The following EIF2B1 variants were observed in gnomAD, a reference collection of about 807,000 sequenced individuals.
EIF2B1 encodes translation initiation factor eIF2B subunit alpha.
A neutral mutation model predicts 36.8 loss-of-function variants in EIF2B1; 30 were observed. The ratio of observed to expected loss-of-function variants is 0.81; its 90% CI spans 0.61 to 1.10. The LOEUF (loss-of-function observed/expected upper bound fraction) is 1.10. EIF2B1 is among the 50% of genes least tolerant of loss of function. The pLI is 0.00. For missense variants in EIF2B1, 271 were observed against 374.8 expected, an observed-to-expected ratio of 0.72 and a Z score of 2.29; for synonymous variants, 139 against 142.2, an observed-to-expected ratio of 0.98 and a Z score of 0.16.
chr12:123,622,506 T>A, intron 8 of EIF2B1, 130 bp downstream of exon 8: 1 of 1,309,622 alleles, frequency 7.6e-7, no homozygotes, highest in Non-Finnish European at 1.1e-6. Flanking sequence ...CACCAATTTA[T>A]CTTTGTATTC....
Position 123,633,676 on chromosome 12 carries a change from A to ACTTCCGGCGCACTTCCGTACCCCT in EIF2B1, c.-120_-119insAGGGGTACGGAAGTGCGCCGGAAG, listed in dbSNP as rs1166431522. ...AGCGCGCTGCACACCTCCGCACCCC[A>ACTTCCGGCGCACTTCCGTACCCCT]CTTCCGGCGCACTTCCGTACCCCTC... On this transcript the variant is annotated 5_prime_UTR_variant, in exon 1 of 9. Transcript: ENST00000424014. 17 of 1,516,492 alleles carry ACTTCCGGCGCACTTCCGTACCCCT rather than the reference A, an allele frequency of 1.1e-5. No individual in the cohort carries two copies. Among genetic ancestry groups the ACTTCCGGCGCACTTCCGTACCCCT allele is most frequent in the South Asian group, 3.4e-5 (3 of 89,124 alleles). 93.9% of individuals were successfully genotyped at this position (1,516,492 alleles called of 1,614,324 possible).
intron 7 of EIF2B1, among the ~76,000 whole-genome samples, chr12:123,623,544 T>G (rs1042431361): frequency 1.3e-5 from 2 of 152,086 alleles, no homozygotes; most frequent in African/African-American, 4.8e-5. Flanking sequence ...CTCAACACTC[T>G]GCCTGCAGAC....
At position 123,621,901 on chromosome 12, in the gene EIF2B1, T is replaced by C; in HGVS notation, c.773A>G (p.Lys258Arg). Residue 258 changes from lysine to arginine, a missense_variant, in exon 9 of 9, where the codon AAG becomes AGG. Transcript: ENST00000424014. ...DKFKYKADTLKVAQTGQDLKE... is the reference protein window; with the variant it reads ...DKFKYKADTLRVAQTGQDLKE... Reference sequence around the variant, plus strand: ...GAGGTCTTGTCCAGTCTGCGCGACCTTGAGAGTGTCTGCCTTATACTGAGG... The same window carrying C: ...GAGGTCTTGTCCAGTCTGCGCGACCCTGAGAGTGTCTGCCTTATACTGAGG... 6.2e-7 allele frequency: 1 copy of C among 1,614,062 alleles called. No individual in the cohort carries two copies. Among genetic ancestry groups the C allele is most frequent in the Non-Finnish European group, 8.5e-7 (1 of 1,180,020 alleles).
At position 123,626,481 on chromosome 12, in the gene EIF2B1, G is replaced by T; in HGVS notation, c.495C>A (p.Ala165=). 1 of 1,614,072 alleles carries T rather than the reference G, an allele frequency of 6.2e-7. No individual in the cohort carries two copies. Among genetic ancestry groups the T allele is most frequent in the Non-Finnish European group, 8.5e-7 (1 of 1,179,952 alleles). ...SQPDLSGKKM[A]KALCHLNVPV... Reference sequence around the variant, plus strand: ...GGACGTTGAGGTGGCAGAGGGCTTTGGCCATTTTCTTACTGAAGATGACAT... The same window carrying T: ...GGACGTTGAGGTGGCAGAGGGCTTTTGCCATTTTCTTACTGAAGATGACAT... Residue 165 remains alanine, a synonymous_variant, in exon 6 of 9, where the codon GCC becomes GCA. Coordinates refer to ENST00000424014, the MANE Select transcript of EIF2B1 (RefSeq NM_001414.4).
At position 123,621,814 on chromosome 12, in the gene EIF2B1, T is replaced by C. The variant is rs2135758861; in HGVS notation, c.860A>G (p.Asp287Gly). ...APSLITLLFT[D>G]LGVLTPSAVS... ...TGCTGAGGGTGTCAGCACGCCCAGG[T>C]CTGTAAACAGCAGAGTGATTAAGGA... is the stretch of plus-strand genomic sequence containing the variant. The change falls in exon 9 of 9, where the codon GAC (aspartate) becomes GGC (glycine). Residue 287 changes from aspartate to glycine, a missense_variant. Physicochemically the swap from Asp to Gly is moderately conservative, Grantham distance 94. Transcript: ENST00000424014. The C allele has an allele frequency of 2.5e-6, 4 of 1,614,044 alleles. No individual in the cohort carries two copies. The highest frequency in any genetic ancestry group is 3.4e-6 in the Non-Finnish European group (4 of 1,180,030).
Position 123,630,032 on chromosome 12 carries a change from T to C in EIF2B1, c.369+137A>G, listed in dbSNP as rs1955176200. 1 of 793,200 alleles carries C rather than the reference T, an allele frequency of 1.3e-6. No homozygotes were observed. The highest frequency in any genetic ancestry group is 2.5e-5 in the East Asian group (1 of 39,988). The allele number at this position is 793,200 out of a possible 1,614,324, so 49.1% of individuals were successfully genotyped here. ...ACTATTGTCATCCTTATTTAACAGA[T>C]GAGAAAGCTGCACAGACAGGTTAAG... On this transcript the variant is annotated intron_variant, in intron 4 of 8. Transcript: ENST00000424014. This position sits in a 1 kb window ranked among gnomAD's most constrained non-coding sequence, Gnocchi z 4.6.
Position 123,624,872 on chromosome 12 carries a change from A to G in EIF2B1, c.552-10T>C. ...TTTCTCCATGATGTAGCTAAGGGGA[A>G]AAAAAGCTTTTCATGCTTTATTTTC... On this transcript the variant is annotated splice_polypyrimidine_tract_variant and intron_variant, in intron 6 of 8. Transcript: ENST00000424014. 1 of 1,613,546 alleles carries G rather than the reference A, an allele frequency of 6.2e-7. No individual in the cohort carries two copies. Among genetic ancestry groups the G allele is most frequent in the Non-Finnish European group, 8.5e-7 (1 of 1,179,490 alleles).
At chr12:123,626,381 T>G in intron 6 of EIF2B1, 44 bp downstream of exon 6, 1 of 1,611,226 alleles carries the variant, frequency 6.2e-7, no homozygotes, top group East Asian at 2.2e-5. Context: ...TAAGCCAGCA[T>G]GGGGTGGGGG....
Position 123,630,408 on chromosome 12 carries a change from G to A in EIF2B1, c.241C>T (p.Leu81=), listed in dbSNP as rs1012516401. The A allele has an allele frequency of 4.6e-5, 74 of 1,614,054 alleles. No homozygotes were observed. Among genetic ancestry groups the A allele is most frequent in the Non-Finnish European group, 6.0e-5 (71 of 1,180,030 alleles). ...LFLRFISLAS[L]EYSDYSKCKK... is the part of the protein sequence containing the mutation. ...GAACAGGCACTTACGGAGTATTCCAGGGAGGCAAGACTGATGAAGCGGAGG... is the reference window on the plus strand; with the variant it reads ...GAACAGGCACTTACGGAGTATTCCAAGGAGGCAAGACTGATGAAGCGGAGG... Residue 81 remains leucine (L), a synonymous_variant, in exon 3 of 9, where the codon CTG becomes TTG. Transcript: ENST00000424014. The surrounding 1 kb of genome is among the most constrained non-coding windows in gnomAD (Gnocchi z 4.6).
intron 7 of EIF2B1, 44 bp downstream of exon 7, chr12:123,624,743 C>A: frequency 6.4e-7 from 1 of 1,558,942 alleles, no homozygotes; most frequent in Non-Finnish European, 8.8e-7. Context: ...AGCAAGACAC[C>A]TCCAAGTCTT....
At position 123,620,414 on chromosome 12, in the gene EIF2B1, T is replaced by G. The variant is rs905713204; in HGVS notation, c.*1342A>C. On this transcript the variant is annotated 3_prime_UTR_variant, in exon 9 of 9. Coordinates refer to ENST00000424014, the MANE Select transcript of EIF2B1 (RefSeq NM_001414.4). ...CAGGAGGATCACTTGAGCCCAGGAGTTCAAGACCAGCCTGGGAACACAGCG... is the reference window on the plus strand; with the variant it reads ...CAGGAGGATCACTTGAGCCCAGGAGGTCAAGACCAGCCTGGGAACACAGCG... 8.4e-6 allele frequency: 2 copies of G among 238,254 alleles called. No homozygotes were observed. Among genetic ancestry groups the G allele is most frequent in the Non-Finnish European group, 1.6e-5 (2 of 123,358 alleles). The allele number at this position is 238,254 out of a possible 1,614,324, so 14.8% of individuals were successfully genotyped here. A position where few individuals can be genotyped will look rare whatever the true frequency, so the allele number is the denominator to read the frequency against.
Position 123,626,425 on chromosome 12 carries a change from C to T in EIF2B1, c.551G>A (p.Gly184Asp), listed in dbSNP as rs771299612. The change falls in exon 6 of 9, where the codon GGC becomes GAC. Residue 184 changes from glycine (G) to aspartate (D), a missense_variant and splice_region_variant. Physicochemically the swap from Gly to Asp is moderately conservative, Grantham distance 94. Transcript: ENST00000424014. ...ATGGCTGGGGAAGATGGGCACTCAC[C>T]CGACAGCAGCATCTAGCACCACAGT... ...PVTVVLDAAV[G>D]YIMEKADLVI... 1.2e-5 allele frequency: 19 copies of T among 1,613,972 alleles called. No homozygotes were observed. Among genetic ancestry groups the T allele is most frequent in the Non-Finnish European group, 1.7e-6 (2 of 1,179,970 alleles).
chr12:123,627,780 G>C (rs1466234837), intron 4 of EIF2B1, among the ~76,000 whole-genome samples: 2 of 152,170 alleles, frequency 1.3e-5, no homozygotes, highest in Non-Finnish European at 2.9e-5. Flanking sequence ...CTTGAGCCTG[G>C]GAGGTTGAGG....
At chr12:123,624,470 G>A (rs924804630) in intron 7 of EIF2B1, among the ~76,000 whole-genome samples, 2 of 152,034 alleles carry the variant, frequency 1.3e-5, no homozygotes, top group African/African-American at 4.8e-5. Context: ...ATGTTGCCCA[G>A]GCTGGTCTTG....
At chr12:123,621,977 G>A in intron 8 of EIF2B1, 57 bp from the exon 9 acceptor site, 1 of 1,600,176 alleles carries the variant, frequency 6.2e-7, no homozygotes, top group Non-Finnish European at 8.5e-7. Context: ...TGACCTGGTA[G>A]GGCCTTGGTG....
At chr12:123,623,851 T>C (rs796633150) in intron 7 of EIF2B1, among the ~76,000 whole-genome samples, 11 of 152,230 alleles carry the variant, frequency 7.2e-5, no homozygotes, top group African/African-American at 2.6e-4. Context: ...GAGATTGTAA[T>C]AAATTGAGGT....
At position 123,624,837 on chromosome 12, in the gene EIF2B1, C is replaced by T. The variant is rs1028819794; in HGVS notation, c.577G>A (p.Val193Ile). ...VGYIMEKADL[V>I]IVGAEGVVEN... The stretch of plus-strand genomic sequence containing the variant: ...ACAACTCCTTCAGCACCAACTATGA[C>T]AAGATCTGCTTTCTCCATGATGTAG... The change falls in exon 7 of 9, where the codon GTC becomes ATC. Residue 193 changes from valine (V) to isoleucine (I), a missense_variant. Physicochemically the swap from Val to Ile is conservative, Grantham distance 29. Coordinates refer to ENST00000424014, the MANE Select transcript of EIF2B1 (RefSeq NM_001414.4). 6.2e-7 allele frequency: 1 copy of T among 1,614,036 alleles called. No individual in the cohort carries two copies. Among genetic ancestry groups the T allele is most frequent in the Non-Finnish European group, 8.5e-7 (1 of 1,179,956 alleles).
At chr12:123,622,478 C>G (rs1279224160) in intron 8 of EIF2B1, among the ~76,000 whole-genome samples, 158 bp downstream of exon 8, 1 of 152,166 alleles carries the variant, frequency 6.6e-6, no homozygotes, top group African/African-American at 2.4e-5. Flanking sequence ...GTTCTAGGGA[C>G]AAATGTGTGA....
intron 4 of EIF2B1, among the ~76,000 whole-genome samples, chr12:123,627,587 C>G (rs1347501323): frequency 6.6e-6 from 1 of 152,244 alleles, no homozygotes; most frequent in East Asian, 1.9e-4. Flanking sequence ...TGGCTCACGC[C>G]TGTAATCCCA....
Sources: allele counts gnomAD v4.1 joint callset (sites outside exome capture counted in the v4.1 genomes callset), GRCh38; gene constraint gnomAD v4.1.1; non-coding constraint Gnocchi (gnomAD v3.1); transcripts MANE v1.5; gene names NCBI Gene and HGNC (gene_info 2026-07-23, HGNC 2026-07-21).